Variants in CCDC178 observed in about 807,000 individuals in gnomAD.
CCDC178 encodes the protein coiled-coil domain-containing protein 178.
CCDC178 carries 126 observed loss-of-function variants against 117.4 expected under a neutral mutation model. That is an observed-to-expected ratio of 1.07 (90% CI 0.93 to 1.24). The LOEUF (loss-of-function observed/expected upper bound fraction) is 1.24. Among genes scored for constraint, CCDC178 ranks in the 50% most tolerant of loss-of-function variants. The pLI, the probability that CCDC178 is intolerant of heterozygous loss-of-function variation, is 0.00. For missense variants in CCDC178, 1,030 were observed against 986.9 expected (o/e 1.04, Z -0.59); for synonymous variants, 283 against 313.4 (o/e 0.90, Z 1.02).
chr18:32,982,119 T>C (rs2055165857), intron 21 of CCDC178, among the ~76,000 whole-genome samples: 3 of 152,098 alleles, frequency 2.0e-5, no homozygotes, highest in South Asian at 4.1e-4. Context: ...ATAAATACCA[T>C]TGAAAACACA....
At chr18:33,045,943 C>T (rs2056634076) in intron 21 of CCDC178, among the ~76,000 whole-genome samples, 1 of 152,092 alleles carries the variant, frequency 6.6e-6, no homozygotes. Flanking sequence ...TGGCACCCAC[C>T]TATTATCCCA....
In CCDC178 at chr18:33,211,928, C is replaced by G; in HGVS notation, c.2206G>C (p.Ala736Pro). 6.2e-7 allele frequency: 1 copy of G among 1,607,498 alleles called. No homozygotes were observed. The highest frequency in any genetic ancestry group is 1.1e-5 in the South Asian group (1 of 89,714). Residue 736 changes from alanine (A) to proline (P), a missense_variant, in exon 20 of 23, where the codon GCT becomes CCT. Ala to Pro is a conservative substitution (Grantham distance 27). Transcript: ENST00000383096. The part of the protein sequence containing the change: ...EEDQRFRVLL[A>P]VRQKTLQDTQ... ...TCTTGAAGAGTTTTTTGTCTTACAG[C>G]AAGGAGCACTCTAAATCTCTGATCT...
intron 21 of CCDC178, among the ~76,000 whole-genome samples, chr18:32,993,179 T>A (rs1716638831): frequency 6.6e-6 from 1 of 151,502 alleles, no homozygotes; most frequent in Non-Finnish European, 1.5e-5. Context: ...AAAAAAAAAA[T>A]TAAGGATTTT....
chr18:33,264,857 T>C (rs1344520868), intron 14 of CCDC178, among the ~76,000 whole-genome samples: 3 of 152,088 alleles, frequency 2.0e-5, no homozygotes, highest in African/African-American at 4.8e-5. Flanking sequence ...TAAATTACTA[T>C]GTGAGTGAGA....
rs139582116 is a variant in CCDC178 at position 33,129,310 on chromosome 18, T to G, written c.2239-36400A>C. Among the ~76,000 whole-genome samples, 424 of 152,196 alleles carry G rather than the reference T, an allele frequency of 2.8e-3. 6 individuals are homozygous for G. Among genetic ancestry groups the G allele is most frequent in the African/African-American group, 9.8e-3 (407 of 41,560 alleles). ...CTATAAAGCAACACATGCTCTAATATTAAAAGGATTTAATGGGATTAATAG... is the reference window on the plus strand; with the variant it reads ...CTATAAAGCAACACATGCTCTAATAGTAAAAGGATTTAATGGGATTAATAG... On this transcript the variant is annotated intron_variant, in intron 20 of 22. Coordinates refer to ENST00000383096, the MANE Select transcript of CCDC178 (RefSeq NM_001105528.4).
chr18:33,229,289 C>G (rs532625052), intron 15 of CCDC178, among the ~76,000 whole-genome samples: 4 of 152,214 alleles, frequency 2.6e-5, no homozygotes, highest in African/African-American at 9.6e-5. Context: ...TTTTATTGGT[C>G]ATTAAATGTG....
chr18:33,392,276 A>C (rs1346228612), intron 4 of CCDC178, among the ~76,000 whole-genome samples: 2 of 152,226 alleles, frequency 1.3e-5, no homozygotes, highest in African/African-American at 4.8e-5. Flanking sequence ...CTATTTTCCA[A>C]GCTGCTGAGC....
chr18:33,162,502 G>A (rs965749826), intron 20 of CCDC178, among the ~76,000 whole-genome samples: 1 of 152,090 alleles, frequency 6.6e-6, no homozygotes, highest in African/African-American at 2.4e-5. Flanking sequence ...TCATGTCACA[G>A]AGGTTTGTTG....
intron 6 of CCDC178, among the ~76,000 whole-genome samples, chr18:33,362,040 T>C (rs946256577): frequency 2.6e-5 from 4 of 151,774 alleles, no homozygotes; most frequent in Non-Finnish European, 5.9e-5. Flanking sequence ...AGCCAAGATA[T>C]GGAAACAACC....
chr18:33,119,007 C>A (rs1264555724), intron 20 of CCDC178, among the ~76,000 whole-genome samples: 1 of 152,104 alleles, frequency 6.6e-6, no homozygotes, highest in Non-Finnish European at 1.5e-5. Flanking sequence ...GAAACTGGAT[C>A]CCTTCCTTAC....
chr18:33,051,166 G>C (rs1374404173), intron 21 of CCDC178, among the ~76,000 whole-genome samples: 1 of 151,962 alleles, frequency 6.6e-6, no homozygotes, highest in Admixed American at 6.6e-5. Context: ...TCCTGCCTCG[G>C]CTCCCAAAGT....
chr18:33,128,819 T>C (rs971883425), intron 20 of CCDC178, among the ~76,000 whole-genome samples: 2 of 152,162 alleles, frequency 1.3e-5, no homozygotes, highest in Admixed American at 6.5e-5. Flanking sequence ...TTTTCTTTTT[T>C]TGTAAATGAG....
intron 20 of CCDC178, among the ~76,000 whole-genome samples, chr18:33,120,670 T>C (rs1022854883): frequency 1.3e-5 from 2 of 152,162 alleles, no homozygotes; most frequent in African/African-American, 2.4e-5. Flanking sequence ...TTTCCAATCA[T>C]GTGATCAGCT....
intron 10 of CCDC178, among the ~76,000 whole-genome samples, chr18:33,329,814 G>A (rs929009201): frequency 2.0e-5 from 3 of 151,116 alleles, no homozygotes; most frequent in African/African-American, 7.3e-5. Flanking sequence ...GATGAATTAG[G>A]AAGTGTTCCT....
At chr18:33,168,030 A>G (rs1257083468) in intron 20 of CCDC178, among the ~76,000 whole-genome samples, 5 of 152,092 alleles carry the variant, frequency 3.3e-5, no homozygotes, top group Non-Finnish European at 7.4e-5. Context: ...CTCCAATCCT[A>G]TAGGTTGTCT....
At chr18:33,308,234 C>A (rs2062284997) in intron 11 of CCDC178, among the ~76,000 whole-genome samples, 1 of 152,228 alleles carries the variant, frequency 6.6e-6, no homozygotes, top group African/African-American at 2.4e-5. Flanking sequence ...TGGGAGGCCA[C>A]CTCTTGCAAC....
intron 2 of CCDC178, among the ~76,000 whole-genome samples, chr18:33,414,098 T>C (rs2063898894): frequency 6.6e-6 from 1 of 152,110 alleles, no homozygotes. Context: ...CCAGATAATA[T>C]ATCACTAGAA....
chr18:32,988,079 A>AAAT lies in CCDC178; in HGVS notation c.2389-13401_2389-13399dup, dbSNP rs145642185. ...GCAACAAGAGTGAAAATCCGTCTCA[A>AAAT]AATAATAATAATAATAATAATAATA... On this transcript the variant is annotated intron_variant, in intron 21 of 22. Coordinates refer to ENST00000383096, the MANE Select transcript of CCDC178 (RefSeq NM_001105528.4). Among the ~76,000 whole-genome samples the AAAT allele has an allele frequency of 3.2e-3, 448 of 141,232 alleles. 3 individuals are homozygous for AAAT. Among genetic ancestry groups the AAAT allele is most frequent in the Middle Eastern group, 0.015 (4 of 272 alleles). 92.7% of individuals were successfully genotyped at this position (141,232 alleles called of 152,430 possible). A position where few individuals can be genotyped will look rare whatever the true frequency, so the allele number is the denominator to read the frequency against.
chr18:33,192,052 C>A (rs2058865370), intron 20 of CCDC178, among the ~76,000 whole-genome samples: 1 of 152,044 alleles, frequency 6.6e-6, no homozygotes, highest in South Asian at 2.1e-4. Flanking sequence ...GCTTTCATAA[C>A]CTTGTTTAAA....
Sources: gnomAD v4.1 joint callset for allele counts (sites outside exome capture counted in the v4.1 genomes callset) on GRCh38, gnomAD v4.1.1 for gene constraint, MANE v1.5 for transcripts, NCBI Gene and HGNC (gene_info 2026-07-23, HGNC 2026-07-21) for gene names.